The following SRGAP1 variants were observed in gnomAD, a reference collection of about 807,000 sequenced individuals.
The protein encoded by SRGAP1 is SLIT-ROBO Rho GTPase-activating protein 1.
Under a neutral mutation model 121.9 loss-of-function variants are expected in SRGAP1, and 43 were observed. The observed-to-expected ratio is 0.35, with a 90% CI of 0.28 to 0.46. The LOEUF is 0.46. Ranked by LOEUF, SRGAP1 falls within the 20% of genes least tolerant of loss-of-function variation. SRGAP1 has a pLI of 1.00. For synonymous variants in SRGAP1, 447 were observed against 485.4 expected (o/e 0.92, Z 1.04); for missense variants, 1,102 against 1,350.9 (o/e 0.82, Z 2.89).
At chr12:63,967,683 G>A (rs570684162) in intron 1 of SRGAP1, among the ~76,000 whole-genome samples, 14 of 152,276 alleles carry the variant, frequency 9.2e-5, no homozygotes, top group South Asian at 8.3e-4. Context: ...AAGCCTTGTT[G>A]TTAAGTGTGA....
At chr12:63,869,467 A>ATGTGTG (rs35032011) in intron 1 of SRGAP1, among the ~76,000 whole-genome samples, 1 of 151,248 alleles carries the variant, frequency 6.6e-6, no homozygotes, top group African/African-American at 2.4e-5. Flanking sequence ...TATGGTATGT[A>ATGTGTG]TGTGTGTGTG....
chr12:63,971,934 C>G (rs893540226), intron 1 of SRGAP1, among the ~76,000 whole-genome samples: 4 of 152,156 alleles, frequency 2.6e-5, no homozygotes, highest in African/African-American at 9.7e-5. Flanking sequence ...TATTCTCTGG[C>G]TTCCTTTTTT....
At chr12:63,862,812 A>C (rs779424802) in intron 1 of SRGAP1, among the ~76,000 whole-genome samples, 1 of 152,198 alleles carries the variant, frequency 6.6e-6, no homozygotes, top group Non-Finnish European at 1.5e-5. Context: ...CCTTCTGCTC[A>C]TATTGATTAC....
intron 3 of SRGAP1, among the ~76,000 whole-genome samples, chr12:64,000,914 T>C (rs949994095): frequency 2.6e-5 from 4 of 151,970 alleles, no homozygotes; most frequent in Admixed American, 6.6e-5. Flanking sequence ...TGAGAAAAAG[T>C]AGAAAAGATT....
intron 7 of SRGAP1, among the ~76,000 whole-genome samples, chr12:64,064,268 CT>C (rs1413362687): frequency 6.6e-6 from 1 of 152,098 alleles, no homozygotes; most frequent in Non-Finnish European, 1.5e-5. Context: ...GTTTTGGAAA[CT>C]CTATAAAAGG....
intron 1 of SRGAP1, among the ~76,000 whole-genome samples, chr12:63,845,182 G>A (rs556447304): frequency 1.6e-4 from 24 of 152,302 alleles, no homozygotes; most frequent in African/African-American, 5.5e-4. Flanking sequence ...ACTTATGTGG[G>A]AAGCAGGCAG....
intron 15 of SRGAP1, among the ~76,000 whole-genome samples, chr12:64,102,343 T>C (rs1260786737): frequency 2.0e-5 from 3 of 152,366 alleles, no homozygotes; most frequent in East Asian, 1.9e-4. Flanking sequence ...ATAACGTTTT[T>C]AGTATCTTTC....
intron 1 of SRGAP1, among the ~76,000 whole-genome samples, chr12:63,857,564 A>G (rs1899297652): frequency 6.6e-6 from 1 of 151,312 alleles, no homozygotes; most frequent in East Asian, 1.9e-4. Flanking sequence ...TTGTATTTTT[A>G]GTAAAGACAG....
intron 1 of SRGAP1, among the ~76,000 whole-genome samples, chr12:63,954,179 C>T (rs1048725590): frequency 9.2e-5 from 14 of 151,938 alleles, no homozygotes; most frequent in Admixed American, 6.5e-4. Flanking sequence ...TTTCCTCTGC[C>T]TAGGAGAAAA....
chr12:64,031,875 T>C (rs997345712), intron 4 of SRGAP1, among the ~76,000 whole-genome samples: 3 of 152,182 alleles, frequency 2.0e-5, no homozygotes, highest in Non-Finnish European at 2.9e-5. Context: ...TGTTGTCATG[T>C]TGTCATCTCT....
chr12:63,926,070 C>T lies in SRGAP1; in HGVS notation c.68-57877C>T, dbSNP rs183209322. ...TCCTTTTATCCTTCTCTCTCAAATC[C>T]GCAATTTAATTTCATGTTCTAAAAA... On this transcript the variant is annotated intron_variant, in intron 1 of 21. Coordinates refer to ENST00000355086, the MANE Select transcript of SRGAP1 (RefSeq NM_020762.4). Among the ~76,000 whole-genome samples the T allele has an allele frequency of 3.9e-5, 6 of 152,198 alleles. No individual in the cohort carries two copies. In the South Asian group the frequency reaches 6.2e-4, roughly 16 times the overall value.
At chr12:63,934,523 A>G (rs745800350) in intron 1 of SRGAP1, among the ~76,000 whole-genome samples, 2 of 152,166 alleles carry the variant, frequency 1.3e-5, no homozygotes, top group Admixed American at 6.5e-5. Flanking sequence ...ATTGTTTGCT[A>G]TATGCACAAC....
rs1476787265 is a variant in SRGAP1, at chr12:64,042,814, C to T, written c.514C>T (p.His172Tyr). Residue 172 changes from histidine to tyrosine, a missense_variant, in exon 5 of 22, where the codon CAT becomes TAT. His to Tyr is a moderately conservative substitution (Grantham distance 83). Transcript: ENST00000355086. ...GGTGATGAAAACATACCATATGTATCATGCAGAGAGCATCAGTGCAGAGAG... is the reference window on the plus strand; with the variant it reads ...GGTGATGAAAACATACCATATGTATTATGCAGAGAGCATCAGTGCAGAGAG... Reference protein sequence around the residue: ...YTVMKTYHMYHAESISAESKL... With the variant: ...YTVMKTYHMYYAESISAESKL... 5.0e-6 allele frequency: 8 copies of T among 1,613,530 alleles called. No homozygotes were observed. Among genetic ancestry groups the T allele is most frequent in the Non-Finnish European group, 6.8e-6 (8 of 1,179,844 alleles).
At chr12:64,090,547 T>G (rs1030968743) in intron 11 of SRGAP1, among the ~76,000 whole-genome samples, 7 of 152,214 alleles carry the variant, frequency 4.6e-5, no homozygotes, top group African/African-American at 1.7e-4. Context: ...GTTACTTGCA[T>G]TGGTTTGCTG....
intron 3 of SRGAP1, among the ~76,000 whole-genome samples, chr12:63,991,505 A>G (rs532353539): frequency 6.6e-6 from 1 of 152,352 alleles, no homozygotes; most frequent in African/African-American, 2.4e-5. Flanking sequence ...GGAGCATACA[A>G]TTTAAGAAGA....
At chr12:64,090,247 A>G (rs2036024419) in intron 11 of SRGAP1, among the ~76,000 whole-genome samples, 1 of 152,188 alleles carries the variant, frequency 6.6e-6, no homozygotes, top group African/African-American at 2.4e-5. Flanking sequence ...TAAATATACT[A>G]CATGCTGCAC....
chr12:64,096,917 A>G (rs568118994), intron 14 of SRGAP1, among the ~76,000 whole-genome samples: 1 of 152,340 alleles, frequency 6.6e-6, no homozygotes, highest in African/African-American at 2.4e-5. Flanking sequence ...ATGTCAAACT[A>G]AGATTACAGA....
intron 6 of SRGAP1, among the ~76,000 whole-genome samples, chr12:64,046,182 A>T (rs1378079497): frequency 2.0e-5 from 3 of 152,162 alleles, no homozygotes; most frequent in African/African-American, 7.2e-5. Context: ...GGAGGCCAGG[A>T]TGGCTGCAGC....
At chr12:63,899,197 C>T (rs1379635307) in intron 1 of SRGAP1, among the ~76,000 whole-genome samples, 2 of 152,060 alleles carry the variant, frequency 1.3e-5, no homozygotes, top group East Asian at 3.9e-4. Context: ...GCCAGGGCAA[C>T]ATAGTGAAAC....
Sources: allele counts gnomAD v4.1 joint callset (sites outside exome capture counted in the v4.1 genomes callset), GRCh38; gene constraint gnomAD v4.1.1; transcripts MANE v1.5; gene names NCBI Gene and HGNC (gene_info 2026-07-23, HGNC 2026-07-21).